RABGAP1: variants seen among roughly 807,000 people sequenced by gnomAD.
RABGAP1 encodes the protein rab GTPase-activating protein 1.
In RABGAP1, 23 loss-of-function variants were observed where a neutral mutation model predicts 137.6. That is an observed-to-expected ratio of 0.17 (90% confidence interval 0.12 to 0.24). The LOEUF (loss-of-function observed/expected upper bound fraction) is 0.24, where lower values mean the gene tolerates loss of function less well. RABGAP1 is among the 10% of genes least tolerant of loss of function. The pLI is 1.00. For synonymous variants in RABGAP1, 451 were observed against 450.7 expected (o/e 1.00, Z -0.01); for missense variants, 906 against 1,275.8 (o/e 0.71, Z 4.42).
intron 12 of RABGAP1, among the ~76,000 whole-genome samples, chr9:123,015,918 G>A (rs746647064): frequency 7.9e-5 from 12 of 152,086 alleles, no homozygotes; most frequent in Non-Finnish European, 1.6e-4. Flanking sequence ...TGTTGAAGAG[G>A]TTAGGAACCA....
Position 122,944,724 on chromosome 9 carries a change from C to G in RABGAP1, c.-50+3631C>G, listed in dbSNP as rs373482154. Among the ~76,000 whole-genome samples, 4 of 151,518 alleles carry G rather than the reference C, an allele frequency of 2.6e-5. No homozygotes were observed. In the East Asian group the frequency reaches 7.7e-4, roughly 29 times the overall value. ...TAGCTGGGACTACAGGCGCGCACCA[C>G]CACACCCAGATAATTTTTTTTTTTT... On this transcript the variant is annotated intron_variant, in intron 1 of 25. Coordinates refer to ENST00000373647, the MANE Select transcript of RABGAP1 (RefSeq NM_012197.4).
intron 23 of RABGAP1, 31 bp downstream of exon 23, chr9:123,098,829 G>C: frequency 6.4e-7 from 1 of 1,554,908 alleles, no homozygotes; most frequent in Non-Finnish European, 8.8e-7. Context: ...ATTGGGCTGT[G>C]TAATCTGGGA....
chr9:122,973,493 A>G (rs1412451248), intron 2 of RABGAP1, among the ~76,000 whole-genome samples: 1 of 151,576 alleles, frequency 6.6e-6, no homozygotes, highest in African/African-American at 2.4e-5. Context: ...TCGGCCTCCC[A>G]AAGTGCTGGG....
intron 4 of RABGAP1, 50 bp downstream of exon 4, chr9:122,986,469 C>A (rs768115379): frequency 6.4e-6 from 10 of 1,554,210 alleles, no homozygotes; most frequent in Non-Finnish European, 8.9e-6. Context: ...GATCTCTGAC[C>A]TGTTGCTTCA....
Position 123,103,590 on chromosome 9 carries a change from TATA to T in RABGAP1, c.*378_*380del, listed in dbSNP as rs2035407735. 1 of 4,316 alleles carries T rather than the reference TATA, an allele frequency of 2.3e-4. No homozygotes were observed. Among genetic ancestry groups the T allele is most frequent in the Non-Finnish European group, 5.0e-4 (1 of 2,000 alleles). The allele number at this position is 4,316 out of a possible 1,614,324, so 0.3% of individuals were successfully genotyped here. On this transcript the variant is annotated 3_prime_UTR_variant, in exon 26 of 26. Coordinates refer to ENST00000373647, the MANE Select transcript of RABGAP1 (RefSeq NM_012197.4). Reference sequence around the variant, plus strand: ...CTAAACCTTTTTTTTTTAATATACATATATATATATATATATATATATATATAT... The same window carrying T: ...CTAAACCTTTTTTTTTTAATATACATTATATATATATATATATATATATAT...
rs1038489731 is a variant in RABGAP1 at position 123,035,534 on chromosome 9, G to A, written c.1794+15075G>A. 3.1e-6 allele frequency: 5 copies of A among 1,613,840 alleles called. No individual in the cohort carries two copies. The Admixed American group carries it at 5.0e-5, about 16-fold the overall frequency. On this transcript the variant is annotated intron_variant, in intron 13 of 25. Coordinates refer to ENST00000373647, the MANE Select transcript of RABGAP1 (RefSeq NM_012197.4). ...CTAAAGCGCCTCTCAGGGGCTATGT[G>A]TACTTCTTGTGCAAGTCAGACTACA...
rs2035210255 is a variant in RABGAP1 at position 123,097,162 on chromosome 9, G to A, written c.2629-579G>A. ...TATATCATTTTCACTAGAACTCACA[G>A]ATACGCCCACTAGACCTTTTGCATG... On this transcript the variant is annotated intron_variant, in intron 21 of 25. Coordinates refer to ENST00000373647, the MANE Select transcript of RABGAP1 (RefSeq NM_012197.4). Among the ~76,000 whole-genome samples the A allele has an allele frequency of 3.3e-5, 5 of 152,138 alleles. No individual in the cohort carries two copies. The South Asian group carries it at 1.0e-3, about 32-fold the overall frequency.
At chr9:123,101,872 C>G in intron 25 of RABGAP1, 109 bp downstream of exon 25, 3 of 1,188,156 alleles carry the variant, frequency 2.5e-6, no homozygotes, top group African/African-American at 1.6e-5. Context: ...ACCTTTTAAA[C>G]TTTGGTCACA....
In RABGAP1 at chr9:123,058,039, C is replaced by G. The variant is rs892664684; in HGVS notation, c.1795-7309C>G. Among the ~76,000 whole-genome samples, 4 of 68,400 alleles carry G rather than the reference C, an allele frequency of 5.8e-5. No homozygotes were observed. In the South Asian group the frequency reaches 2.2e-3, roughly 38 times the overall value. The allele number at this position is 68,400 out of a possible 152,430, so 44.9% of individuals were successfully genotyped here. A position where few individuals can be genotyped will look rare whatever the true frequency, so the allele number is the denominator to read the frequency against. On this transcript the variant is annotated intron_variant, in intron 13 of 25. Transcript: ENST00000373647. ...CCTCGGCTCGGCATCAGAGGGAGAC[C>G]GTGGAAAGAGAGGGGAGAGGGGGAG...
At chr9:123,044,063 G>A (rs2033086842) in intron 13 of RABGAP1, among the ~76,000 whole-genome samples, 1 of 151,816 alleles carries the variant, frequency 6.6e-6, no homozygotes, top group African/African-American at 2.4e-5. Context: ...ACCATGCATG[G>A]CTAGTTTTTT....
chr9:122,985,447 A>G (rs1393265960), intron 3 of RABGAP1, among the ~76,000 whole-genome samples: 1 of 151,992 alleles, frequency 6.6e-6, no homozygotes, highest in African/African-American at 2.4e-5. Flanking sequence ...CCCTGTCTCT[A>G]TTAAAATACA....
chr9:123,099,497 A>G lies in RABGAP1; in HGVS notation c.2837A>G (p.Glu946Gly), dbSNP rs2035279521. ...DYKQICSQLS[E>G]RLEKQQTANK... is the part of the protein sequence containing the mutation. ...CTTTAGATTTGTTCTCAGTTGAGTGAAAGATTGGAGAAGCAGCAGACAGCC... is the reference window on the plus strand; with the variant it reads ...CTTTAGATTTGTTCTCAGTTGAGTGGAAGATTGGAGAAGCAGCAGACAGCC... The change falls in exon 24 of 26, where the codon GAA becomes GGA. Residue 946 changes from glutamate to glycine, a missense_variant. Coordinates refer to ENST00000373647, the MANE Select transcript of RABGAP1 (RefSeq NM_012197.4). The G allele has an allele frequency of 6.2e-7, 1 of 1,612,594 alleles. No homozygotes were observed. Among genetic ancestry groups the G allele is most frequent in the African/African-American group, 1.3e-5 (1 of 75,026 alleles).
intron 6 of RABGAP1, among the ~76,000 whole-genome samples, chr9:122,993,172 C>A (rs1198497341): frequency 1.3e-5 from 2 of 152,012 alleles, no homozygotes; most frequent in Non-Finnish European, 2.9e-5. Flanking sequence ...GTGTATAACA[C>A]AAGATTTACT....
At chr9:122,948,983 G>A (rs574438924) in intron 1 of RABGAP1, among the ~76,000 whole-genome samples, 5 of 152,298 alleles carry the variant, frequency 3.3e-5, no homozygotes, top group South Asian at 4.1e-4. Context: ...GTAGTTTGGG[G>A]GACTCTTTGT....
intron 13 of RABGAP1, among the ~76,000 whole-genome samples, chr9:123,056,439 C>T (rs1211086564): frequency 4.0e-5 from 6 of 151,468 alleles, no homozygotes; most frequent in Non-Finnish European, 7.4e-5. Context: ...ATTGGCAGGG[C>T]CACTCAAAAT....
rs543919421 is a variant in RABGAP1 at position 123,094,320 on chromosome 9, G to A, written c.2629-3421G>A. Among the ~76,000 whole-genome samples the A allele has an allele frequency of 8.5e-5, 13 of 152,274 alleles. No homozygotes were observed. In the South Asian group the frequency reaches 2.3e-3, roughly 27 times the overall value. ...CATTGCCTGGTTCTGGACATTAGCT[G>A]TAGGTTTTTCGTAGAGTAGGTTGAG... On this transcript the variant is annotated intron_variant, in intron 21 of 25. Coordinates refer to ENST00000373647, the MANE Select transcript of RABGAP1 (RefSeq NM_012197.4).
intron 13 of RABGAP1, among the ~76,000 whole-genome samples, chr9:123,023,264 T>C (rs1410902389): frequency 6.6e-6 from 1 of 152,202 alleles, no homozygotes; most frequent in Non-Finnish European, 1.5e-5. Flanking sequence ...CACTGCAACC[T>C]CTGCCTCCTG....
intron 9 of RABGAP1, 112 bp downstream of exon 9, chr9:122,997,473 C>A: frequency 1.6e-6 from 1 of 637,890 alleles, no homozygotes. Context: ...TTGATGAAAC[C>A]GAAGAATTTG....
intron 6 of RABGAP1, 103 bp downstream of exon 6, chr9:122,990,316 A>G: frequency 1.9e-6 from 2 of 1,038,306 alleles, no homozygotes; most frequent in Non-Finnish European, 2.6e-6. Flanking sequence ...TTTTAAAGGG[A>G]GGGCTTTTAA....
Sources: allele counts gnomAD v4.1 joint callset (sites outside exome capture counted in the v4.1 genomes callset), GRCh38; gene constraint gnomAD v4.1.1; transcripts MANE v1.5; gene names NCBI Gene and HGNC (gene_info 2026-07-23, HGNC 2026-07-21).